Variants in SLC2A1 observed in about 807,000 individuals in gnomAD.
SLC2A1 encodes solute carrier family 2 member 1.
A neutral mutation model predicts 46.6 loss-of-function variants in SLC2A1; 4 were observed. That is an observed-to-expected ratio of 0.09 (90% CI 0.04 to 0.20). The LOEUF is 0.20. Ranked by LOEUF, SLC2A1 falls within the 10% of genes least tolerant of loss-of-function variation. The pLI, the probability that SLC2A1 is intolerant of heterozygous loss-of-function variation, is 1.00. For synonymous variants in SLC2A1, 253 were observed against 270.0 expected (o/e 0.94, Z 0.62); for missense variants, 352 against 667.0 (o/e 0.53, Z 5.20).
chr1:42,952,673 T>C, intron 1 of SLC2A1: 1 of 218,450 alleles, frequency 4.6e-6, no homozygotes, highest in Non-Finnish European at 9.6e-6. Flanking sequence ...CACACCCAAG[T>C]TATCACACGC....
intron 1 of SLC2A1, among the ~76,000 whole-genome samples, chr1:42,945,499 A>G (rs547746527): frequency 6.6e-6 from 1 of 152,288 alleles, no homozygotes; most frequent in South Asian, 2.1e-4. Context: ...ACAAGAGGCT[A>G]GGCACGGTGG....
intron 2 of SLC2A1, among the ~76,000 whole-genome samples, chr1:42,940,073 C>T (rs548461646): frequency 1.6e-4 from 23 of 146,914 alleles, no homozygotes; most frequent in Admixed American, 4.1e-4. Context: ...TATCTTCACC[C>T]TCTCCTGCTG....
chr1:42,933,150 GTCA>G (rs1345667633), intron 2 of SLC2A1, among the ~76,000 whole-genome samples: 2 of 152,154 alleles, frequency 1.3e-5, no homozygotes, highest in Admixed American at 6.5e-5. Context: ...AGTGCTTGGT[GTCA>G]TCATCCCTAA....
At chr1:42,948,860 C>T (rs1037480027) in intron 1 of SLC2A1, among the ~76,000 whole-genome samples, 3 of 151,902 alleles carry the variant, frequency 2.0e-5, no homozygotes, top group Non-Finnish European at 4.4e-5. Context: ...GTCAGGAGAT[C>T]GAGACCATCC....
chr1:42,927,534 T>C lies in SLC2A1; in HGVS notation c.1278+71A>G. ...TCAGCATGATTCCTAATGAGAATGC[T>C]GGGCCAGCACTTTGCACAGCACTGT... On this transcript the variant is annotated intron_variant, in intron 9 of 9. Coordinates refer to ENST00000426263, the MANE Select transcript of SLC2A1 (RefSeq NM_006516.4). The surrounding 1 kb of genome is among the most constrained non-coding windows in gnomAD (Gnocchi z 5.3). 1 of 1,438,530 alleles carries C rather than the reference T, an allele frequency of 7.0e-7. No individual in the cohort carries two copies. Among genetic ancestry groups the C allele is most frequent in the Non-Finnish European group, 9.7e-7 (1 of 1,027,232 alleles). 89.1% of individuals were successfully genotyped at this position (1,438,530 alleles called of 1,614,324 possible).
At chr1:42,953,861 G>A (rs1198386070) in intron 1 of SLC2A1, among the ~76,000 whole-genome samples, 1 of 152,128 alleles carries the variant, frequency 6.6e-6, no homozygotes, top group Non-Finnish European at 1.5e-5. Context: ...ATCATCTTGG[G>A]GCTGTTTACA....
At position 42,930,006 on chromosome 1, in the gene SLC2A1, G is replaced by A. The variant is rs775592444; in HGVS notation, c.546C>T (p.Asn182=). The change falls in exon 5 of 10, where the codon AAC becomes AAT. Residue 182 remains asparagine (N), a synonymous_variant. Coordinates refer to ENST00000426263, the MANE Select transcript of SLC2A1 (RefSeq NM_006516.4). This position sits in a 1 kb window ranked among gnomAD's most constrained non-coding sequence, Gnocchi z 6.2. ...TCAGCAGCAGGGGCCACAGGTCCTT[G>A]TTGCCCATGATGGAGTCCAGGCCGA... The part of the protein sequence containing the change: ...QVFGLDSIMG[N]KDLWPLLLSI... The A allele has an allele frequency of 6.2e-7, 1 of 1,614,174 alleles. No homozygotes were observed. Among genetic ancestry groups the A allele is most frequent in the Admixed American group, 1.7e-5 (1 of 60,032 alleles).
intron 1 of SLC2A1, among the ~76,000 whole-genome samples, chr1:42,949,817 G>A (rs921218154): frequency 6.6e-6 from 1 of 151,948 alleles, no homozygotes; most frequent in African/African-American, 2.4e-5. Context: ...GCAGAACCAG[G>A]GGACTCTAGG....
rs1476673281 is a variant in SLC2A1, at chr1:42,958,548, C to T, written c.18+86G>A. ...GCCCCGGGCGCACAGCGCAGCGGGG[C>T]GGCGGGGGAGGCCCTGGCCGGCGTA... On this transcript the variant is annotated intron_variant, in intron 1 of 9. Transcript: ENST00000426263. 42 of 1,175,632 alleles carry T rather than the reference C, an allele frequency of 3.6e-5. No individual in the cohort carries two copies. The South Asian group carries it at 6.2e-4, about 17-fold the overall frequency. The allele number at this position is 1,175,632 out of a possible 1,614,324, so 72.8% of individuals were successfully genotyped here.
chr1:42,936,599 C>G (rs911062468), intron 2 of SLC2A1, among the ~76,000 whole-genome samples: 9 of 152,136 alleles, frequency 5.9e-5, no homozygotes, highest in African/African-American at 2.2e-4. Flanking sequence ...CTGGACCACC[C>G]AGGCTGCTTC....
intron 1 of SLC2A1, among the ~76,000 whole-genome samples, chr1:42,950,248 C>T (rs1643705437): frequency 6.6e-6 from 1 of 152,240 alleles, no homozygotes; most frequent in Non-Finnish European, 1.5e-5. Context: ...TGCTTTTGTA[C>T]TGCAACAGCA....
intron 1 of SLC2A1, among the ~76,000 whole-genome samples, chr1:42,945,483 G>A (rs1417874307): frequency 1.3e-5 from 2 of 151,900 alleles, no homozygotes; most frequent in African/African-American, 4.8e-5. Context: ...CTATTTAAAA[G>A]AATGCACAAG....
In SLC2A1 at chr1:42,927,532, G is replaced by C. The variant is rs754068405; in HGVS notation, c.1278+73C>G. On this transcript the variant is annotated intron_variant, in intron 9 of 9. Coordinates refer to ENST00000426263, the MANE Select transcript of SLC2A1 (RefSeq NM_006516.4). The surrounding 1 kb of genome is among the most constrained non-coding windows in gnomAD (Gnocchi z 5.3). Reference sequence around the variant, plus strand: ...CCTCAGCATGATTCCTAATGAGAATGCTGGGCCAGCACTTTGCACAGCACT... The same window carrying C: ...CCTCAGCATGATTCCTAATGAGAATCCTGGGCCAGCACTTTGCACAGCACT... 2.5e-4 allele frequency: 350 copies of C among 1,416,542 alleles called. No individual in the cohort carries two copies. The highest frequency in any genetic ancestry group is 3.2e-4 in the Non-Finnish European group (319 of 1,008,162). 87.7% of individuals were successfully genotyped at this position (1,416,542 alleles called of 1,614,324 possible).
intron 1 of SLC2A1, among the ~76,000 whole-genome samples, chr1:42,944,078 G>A (rs1422046642): frequency 6.6e-6 from 1 of 152,174 alleles, no homozygotes; most frequent in East Asian, 1.9e-4. Flanking sequence ...AGCCTCCCAA[G>A]GTTATATGGA....
At chr1:42,955,234 A>G (rs1253667299) in intron 1 of SLC2A1, among the ~76,000 whole-genome samples, 1 of 152,234 alleles carries the variant, frequency 6.6e-6, no homozygotes, top group African/African-American at 2.4e-5. Context: ...AGAGACGTAC[A>G]TTCTTTTCTG....
At chr1:42,948,926 G>A (rs142175664) in intron 1 of SLC2A1, among the ~76,000 whole-genome samples, 107 of 152,230 alleles carry the variant, frequency 7.0e-4, no homozygotes, top group African/African-American at 2.5e-3. Context: ...AAATTAGCCC[G>A]GCATGGTGGC....
At position 42,930,216 on chromosome 1, in the gene SLC2A1, A is replaced by G. The variant is rs1180876324; in HGVS notation, c.517-181T>C. The G allele has an allele frequency of 3.5e-5, 25 of 707,466 alleles. No individual in the cohort carries two copies. Among genetic ancestry groups the G allele is most frequent in the Non-Finnish European group, 3.7e-5 (15 of 406,236 alleles). The allele number at this position is 707,466 out of a possible 1,614,324, so 43.8% of individuals were successfully genotyped here. On this transcript the variant is annotated intron_variant, in intron 4 of 9. Coordinates refer to ENST00000426263, the MANE Select transcript of SLC2A1 (RefSeq NM_006516.4). This position sits in a 1 kb window ranked among gnomAD's most constrained non-coding sequence, Gnocchi z 6.2. ...TCCTCATCGGTCACATGGGAAAAGTAGGACCTACCCCACAGTGTTGCTGGG... is the reference window on the plus strand; with the variant it reads ...TCCTCATCGGTCACATGGGAAAAGTGGGACCTACCCCACAGTGTTGCTGGG...
chr1:42,949,838 G>T (rs1393091788), intron 1 of SLC2A1, among the ~76,000 whole-genome samples: 1 of 150,368 alleles, frequency 6.7e-6, no homozygotes, highest in Non-Finnish European at 1.5e-5. Context: ...CTTCAGGGAA[G>T]TTTCCAATTG....
intron 1 of SLC2A1, among the ~76,000 whole-genome samples, chr1:42,949,150 G>A (rs1437018278): frequency 6.6e-6 from 1 of 152,146 alleles, no homozygotes; most frequent in African/African-American, 2.4e-5. Context: ...GGCTGAGGCA[G>A]GAGAATAGAA....
Sources: gnomAD v4.1 joint callset for allele counts (sites outside exome capture counted in the v4.1 genomes callset) on GRCh38, gnomAD v4.1.1 for gene constraint, Gnocchi (gnomAD v3.1) non-coding constraint, MANE v1.5 for transcripts, NCBI Gene and HGNC (gene_info 2026-07-23, HGNC 2026-07-21) for gene names.